The following NOL9 variants were observed in gnomAD, a reference collection of about 807,000 sequenced individuals.
The protein encoded by NOL9 is polynucleotide 5'-hydroxyl-kinase NOL9.
A neutral mutation model predicts 67.9 loss-of-function variants in NOL9; 28 were observed. That is an observed-to-expected ratio of 0.41 (90% CI 0.31 to 0.57). The LOEUF (loss-of-function observed/expected upper bound fraction) is 0.57, where lower values mean the gene tolerates loss of function less well. Among genes scored for constraint, NOL9 ranks in the 20% least tolerant of loss-of-function variants. The probability of loss-of-function intolerance (pLI) is 0.25; values close to 1 mark genes in which losing one functional copy is unlikely to be tolerated. For missense variants in NOL9, 777 were observed against 897.0 expected (o/e 0.87, Z 1.71); for synonymous variants, 356 against 352.2 (o/e 1.01, Z -0.12).
intron 6 of NOL9, among the ~76,000 whole-genome samples, chr1:6,541,338 T>C (rs746657903): frequency 6.6e-6 from 1 of 152,106 alleles, no homozygotes; most frequent in African/African-American, 2.4e-5. Context: ...TGCACCACCA[T>C]GCCCAGCTAA....
rs1390250992 is a variant in NOL9 at position 6,554,253 on chromosome 1, TG to T, written c.249del (p.Ser84AlafsTer59). On this transcript the variant is annotated frameshift_variant, in exon 1 of 12. Coordinates refer to ENST00000377705, the MANE Select transcript of NOL9 (RefSeq NM_024654.5). LOFTEE classifies it high-confidence loss of function. The part of the protein sequence containing the change: ...AAARRPNTAT[P>X]SPIPSPTPAS... ...GCCGGGGTCGGGCTAGGGATCGGGCTGGGGGTCGCGGTGTTGGGTCTCCGGG... is the reference window on the plus strand; with the variant it reads ...GCCGGGGTCGGGCTAGGGATCGGGCTGGGGTCGCGGTGTTGGGTCTCCGGG... 1 of 1,494,430 alleles carries T rather than the reference TG, an allele frequency of 6.7e-7. No homozygotes were observed. The highest frequency in any genetic ancestry group is 8.9e-7 in the Non-Finnish European group (1 of 1,122,708). The allele number at this position is 1,494,430 out of a possible 1,614,324, so 92.6% of individuals were successfully genotyped here.
chr1:6,531,620 C>T (rs917493841), intron 9 of NOL9, among the ~76,000 whole-genome samples: 2 of 152,128 alleles, frequency 1.3e-5, no homozygotes, highest in African/African-American at 2.4e-5. Flanking sequence ...TGCTCTACAG[C>T]GGAAAAGTGG....
intron 3 of NOL9, among the ~76,000 whole-genome samples, chr1:6,547,376 C>T (rs10746503): frequency 0.98 from 149,042 of 152,228 alleles, 73,056 homozygotes; most frequent in East Asian, 1. Flanking sequence ...TACATGCACC[C>T]CAGTCGTTAA....
chr1:6,527,924 C>G (rs558160737), intron 10 of NOL9, among the ~76,000 whole-genome samples: 11 of 152,224 alleles, frequency 7.2e-5, no homozygotes, highest in African/African-American at 2.6e-4. Flanking sequence ...GAGCAAGACT[C>G]CGTCTCGGAA....
Position 6,532,022 on chromosome 1 carries a change from CAGCTGGCTA to C in NOL9, c.1584_1592del (p.Ser529_Leu531del). ...AAAGTGGTTTGGGCATCGGGGGCTG[CAGCTGGCTA>C]AGGTAACTCAAGATGGACAGATCTC... On this transcript the variant is annotated inframe_deletion, in exon 9 of 12. Coordinates refer to ENST00000377705, the MANE Select transcript of NOL9 (RefSeq NM_024654.5). 6.2e-7 allele frequency: 1 copy of C among 1,614,172 alleles called. No individual in the cohort carries two copies. Among genetic ancestry groups the C allele is most frequent in the Non-Finnish European group, 8.5e-7 (1 of 1,180,026 alleles).
At chr1:6,551,707 G>A (rs1056087898) in intron 1 of NOL9, among the ~76,000 whole-genome samples, 4 of 152,118 alleles carry the variant, frequency 2.6e-5, no homozygotes, top group Admixed American at 6.6e-5. Context: ...GCTGGAAGCC[G>A]TTATCTTCAG....
intron 1 of NOL9, among the ~76,000 whole-genome samples, 165 bp from the exon 2 acceptor site, chr1:6,550,780 T>C (rs1639529417): frequency 6.7e-6 from 1 of 148,326 alleles, no homozygotes. Context: ...ACCTCCCAGG[T>C]TCAAGCAATT....
chr1:6,526,941 T>G, intron 10 of NOL9, 112 bp from the exon 11 acceptor site: 1 of 1,369,514 alleles, frequency 7.3e-7, no homozygotes, highest in Non-Finnish European at 9.8e-7. Flanking sequence ...CAACTCTGTT[T>G]TGTTTTGAAA....
intron 3 of NOL9, among the ~76,000 whole-genome samples, chr1:6,546,857 A>C (rs1322438176): frequency 1.3e-5 from 2 of 152,216 alleles, no homozygotes; most frequent in Non-Finnish European, 2.9e-5. Context: ...CTACCAAAGC[A>C]AAATACTTTA....
chr1:6,526,130 G>A (rs1246759742), intron 11 of NOL9, 127 bp from the exon 12 acceptor site: 1 of 805,510 alleles, frequency 1.2e-6, no homozygotes, highest in African/African-American at 1.7e-5. Flanking sequence ...TCACTTTTAA[G>A]GCATTTGATC....
At chr1:6,537,978 C>G (rs140918477) in intron 6 of NOL9, among the ~76,000 whole-genome samples, 782 of 43,726 alleles carry the variant, frequency 0.018, 6 homozygotes, top group African/African-American at 0.063. Context: ...GGCGACAAAG[C>G]AAGACTCCAT....
Position 6,546,753 on chromosome 1 carries a change from T to C in NOL9, c.745-1573A>G, listed in dbSNP as rs117506547. ...CATCTGCCATGTTCCAGCATGTTTT[T>C]TTCATCCATCTTAACAAAATTACAA... On this transcript the variant is annotated intron_variant, in intron 3 of 11. Transcript: ENST00000377705. Among the ~76,000 whole-genome samples the C allele has an allele frequency of 2.6e-5, 4 of 152,296 alleles. No individual in the cohort carries two copies. In the East Asian group the frequency reaches 5.8e-4, roughly 22 times the overall value.
intron 6 of NOL9, among the ~76,000 whole-genome samples, chr1:6,535,106 G>T (rs74550166): frequency 0.01 from 1,562 of 152,188 alleles, 28 homozygotes; most frequent in African/African-American, 0.036. Context: ...CACCGTGCCT[G>T]GTTTTAATGA....
chr1:6,526,131 G>A (rs1477433163), intron 11 of NOL9, 128 bp from the exon 12 acceptor site: 10 of 789,298 alleles, frequency 1.3e-5, no homozygotes, highest in Admixed American at 4.9e-5. Context: ...CACTTTTAAG[G>A]CATTTGATCC....
rs2148648086 is a variant in NOL9 at position 6,526,788 on chromosome 1, T to C, written c.1867A>G (p.Ile623Val). The C allele has an allele frequency of 1.9e-6, 3 of 1,613,688 alleles. No homozygotes were observed. The highest frequency in any genetic ancestry group is 1.7e-6 in the Non-Finnish European group (2 of 1,179,772). The change falls in exon 11 of 12, where the codon ATC (isoleucine) becomes GTC (valine). Residue 623 changes from isoleucine to valine, a missense_variant. This residue lies in a region of NOL9 where 413 missense variants were observed against 552.6 expected (regional missense o/e 0.75). Transcript: ENST00000377705. ...GIDMEKRLYH[I>V]LTPVPPEELR... ...TCTTCCGGGGGCACAGGGGTGAGGA[T>C]GTGGTACAGCCGCTTCTCCATGTCA...
chr1:6,533,369 T>A lies in NOL9; in HGVS notation c.1148A>T (p.Tyr383Phe). ...TTTCACTATGTCAATATAATTCTCA[T>A]AGTTGTTTTTACAAGAAGGTTTCCC... ...YYGKPSCKNNYENYIDIVKYV... is the reference protein window; with the variant it reads ...YYGKPSCKNNFENYIDIVKYV... Residue 383 changes from tyrosine to phenylalanine, a missense_variant, in exon 7 of 12, where the codon TAT (tyrosine) becomes TTT (phenylalanine). Tyr to Phe is a conservative substitution (Grantham distance 22). This residue lies in a region of NOL9 where 413 missense variants were observed against 552.6 expected (regional missense o/e 0.75). Coordinates refer to ENST00000377705, the MANE Select transcript of NOL9 (RefSeq NM_024654.5). 6.2e-7 allele frequency: 1 copy of A among 1,613,442 alleles called. No homozygotes were observed. The highest frequency in any genetic ancestry group is 8.5e-7 in the Non-Finnish European group (1 of 1,179,552).
At chr1:6,539,463 C>T (rs4908911) in intron 6 of NOL9, among the ~76,000 whole-genome samples, 124,518 of 152,226 alleles carry the variant, frequency 0.82, 51,797 homozygotes, top group Non-Finnish European at 0.89. Flanking sequence ...TGAATAACAT[C>T]CAGCCATCAA....
chr1:6,528,451 A>G (rs1192508342), intron 10 of NOL9, among the ~76,000 whole-genome samples: 2 of 152,212 alleles, frequency 1.3e-5, no homozygotes, highest in East Asian at 1.9e-4. Flanking sequence ...TAATGGGCTG[A>G]AAGTACCAAA....
rs1333500500 is a variant in NOL9 at position 6,549,705 on chromosome 1, A to G, written c.617-7T>C. ...ATCGACCAACGCCTGTCATCTGTAAAGAGAAAAATAAACCACCTTAGAAGC... is the reference window on the plus strand; with the variant it reads ...ATCGACCAACGCCTGTCATCTGTAAGGAGAAAAATAAACCACCTTAGAAGC... On this transcript the variant is annotated splice_region_variant and splice_polypyrimidine_tract_variant and intron_variant, in intron 2 of 11. Transcript: ENST00000377705. The G allele has an allele frequency of 1.1e-5, 18 of 1,612,966 alleles. No individual in the cohort carries two copies. Among genetic ancestry groups the G allele is most frequent in the Non-Finnish European group, 1.4e-5 (17 of 1,179,838 alleles).
Sources: allele counts gnomAD v4.1 joint callset (sites outside exome capture counted in the v4.1 genomes callset), GRCh38; gene constraint gnomAD v4.1.1; regional missense constraint gnomAD v4.1.1; transcripts MANE v1.5; gene names NCBI Gene and HGNC (gene_info 2026-07-23, HGNC 2026-07-21).